Variants in SH3BGRL2 observed in about 807,000 individuals in gnomAD.
The protein encoded by SH3BGRL2 is SH3 domain binding glutamate rich protein like 2, also known as SH3 domain-binding glutamic acid-rich-like protein 2.
A neutral mutation model predicts 14.8 loss-of-function variants in SH3BGRL2; 21 were observed. That is an observed-to-expected ratio of 1.42 (90% CI 1.01 to 2.05). SH3BGRL2 has a LOEUF of 2.05. Ranked by LOEUF, SH3BGRL2 falls within the 30% of genes most tolerant of loss-of-function variation. SH3BGRL2 has a pLI of 0.00. For synonymous variants in SH3BGRL2, 50 were observed against 47.8 expected (o/e 1.05, Z -0.19); for missense variants, 147 against 130.8 (o/e 1.12, Z -0.61).
At chr6:79,692,872 A>C (rs1214081853) in intron 2 of SH3BGRL2, among the ~76,000 whole-genome samples, 3 of 152,162 alleles carry the variant, frequency 2.0e-5, no homozygotes, top group Non-Finnish European at 4.4e-5. Flanking sequence ...ACTTTAAAGT[A>C]GTTTTTTCCA....
the SH3BGRL2 span, among the ~76,000 whole-genome samples, chr6:79,543,380 T>G: frequency 1.3e-5 from 2 of 152,194 alleles, no homozygotes; most frequent in African/African-American, 4.8e-5. Context: ...GCTAACCTAT[T>G]GGACAACACA....
chr6:79,569,308 C>T, the SH3BGRL2 span, among the ~76,000 whole-genome samples: 671 of 152,214 alleles, frequency 4.4e-3, 9 homozygotes, highest in African/African-American at 0.015. Context: ...GGTTCTTATT[C>T]TTATCCAGGT....
intron 3 of SH3BGRL2, 65 bp downstream of exon 3, chr6:79,696,630 A>G (rs1243758858): frequency 1.6e-6 from 2 of 1,227,632 alleles, no homozygotes; most frequent in East Asian, 2.5e-5. Flanking sequence ...TTAGAGATGT[A>G]GAGTGACGGT....
At chr6:79,538,321 C>A in the SH3BGRL2 span, among the ~76,000 whole-genome samples, 2 of 152,094 alleles carry the variant, frequency 1.3e-5, no homozygotes, top group African/African-American at 2.4e-5. Context: ...AATGAATCTT[C>A]TAACCATGAA....
the SH3BGRL2 span, among the ~76,000 whole-genome samples, chr6:79,567,253 A>C: frequency 2.0e-5 from 3 of 152,218 alleles, no homozygotes; most frequent in Non-Finnish European, 4.4e-5. Context: ...CTTCAGAAAA[A>C]GTTTATTAAA....
intron 2 of SH3BGRL2, among the ~76,000 whole-genome samples, chr6:79,691,653 G>C (rs1331266547): frequency 6.6e-6 from 1 of 150,852 alleles, no homozygotes; most frequent in Non-Finnish European, 1.5e-5. Flanking sequence ...ATGGTTTCCA[G>C]TTTCATCCAT....
At chr6:79,540,815 A>T in the SH3BGRL2 span, among the ~76,000 whole-genome samples, 10 of 152,240 alleles carry the variant, frequency 6.6e-5, no homozygotes, top group Non-Finnish European at 1.2e-4. Flanking sequence ...TTAATAAGTG[A>T]TTCAAAAACA....
the SH3BGRL2 span, among the ~76,000 whole-genome samples, chr6:79,624,182 C>T: frequency 6.6e-6 from 1 of 151,768 alleles, no homozygotes; most frequent in Non-Finnish European, 1.5e-5. Context: ...CAATAATCAA[C>T]ATTGAATCTT....
the SH3BGRL2 span, among the ~76,000 whole-genome samples, chr6:79,582,786 G>C: frequency 0.11 from 16,231 of 152,164 alleles, 976 homozygotes; most frequent in Non-Finnish European, 0.13. Flanking sequence ...TAGACAAATG[G>C]GATCTAATTA....
chr6:79,620,457 C>T, the SH3BGRL2 span, among the ~76,000 whole-genome samples: 1 of 152,124 alleles, frequency 6.6e-6, no homozygotes, highest in South Asian at 2.1e-4. Context: ...TATGCTTTAG[C>T]ACATGCAGAA....
the SH3BGRL2 span, among the ~76,000 whole-genome samples, chr6:79,564,657 A>G: frequency 6.6e-6 from 1 of 152,096 alleles, no homozygotes; most frequent in Admixed American, 6.5e-5. Context: ...AATATATACT[A>G]TATTTTCATT....
At chr6:79,643,182 C>G (rs184035014) in intron 1 of SH3BGRL2, among the ~76,000 whole-genome samples, 1 of 152,298 alleles carries the variant, frequency 6.6e-6, no homozygotes, top group East Asian at 1.9e-4. Context: ...TGTTGAGACA[C>G]AGGGTAATTA....
chr6:79,642,738 A>G (rs1769057208), intron 1 of SH3BGRL2, among the ~76,000 whole-genome samples: 1 of 152,204 alleles, frequency 6.6e-6, no homozygotes, highest in South Asian at 2.1e-4. Context: ...TGAAACACCA[A>G]GTTGAATTGA....
chr6:79,544,614 T>G, the SH3BGRL2 span, among the ~76,000 whole-genome samples: 1 of 152,182 alleles, frequency 6.6e-6, no homozygotes, highest in Admixed American at 6.5e-5. Context: ...GTCTGGATCT[T>G]TATGTTCTAC....
chr6:79,667,963 A>G (rs1270550644), intron 1 of SH3BGRL2, among the ~76,000 whole-genome samples: 1 of 142,116 alleles, frequency 7.0e-6, no homozygotes, highest in Non-Finnish European at 1.5e-5. Flanking sequence ...CTTGTTTCCC[A>G]TTATTGTTCT....
chr6:79,594,386 A>C, the SH3BGRL2 span, among the ~76,000 whole-genome samples: 1 of 152,180 alleles, frequency 6.6e-6, no homozygotes, highest in Non-Finnish European at 1.5e-5. Context: ...TGCACGTATT[A>C]ATAATAATAA....
At chr6:79,563,421 CTA>C in the SH3BGRL2 span, among the ~76,000 whole-genome samples, 1 of 152,018 alleles carries the variant, frequency 6.6e-6, no homozygotes, top group Non-Finnish European at 1.5e-5. Context: ...CTAGCTTGGT[CTA>C]TATTAAGTCC....
the SH3BGRL2 span, among the ~76,000 whole-genome samples, chr6:79,548,834 A>T: frequency 1.3e-5 from 2 of 152,220 alleles, no homozygotes; most frequent in Non-Finnish European, 2.9e-5. Flanking sequence ...AATAGGAGGA[A>T]CAATGAAAAA....
chr6:79,671,396 C>T lies in SH3BGRL2; in HGVS notation c.46-2218C>T, dbSNP rs543338032. On this transcript the variant is annotated intron_variant, in intron 1 of 3. Transcript: ENST00000369838. ...CCCGGGAGGCGGAGGTTGAGGTGAG[C>T]CAAGATCACACCTTTGCATTCCAGC... Among the ~76,000 whole-genome samples the T allele has an allele frequency of 1.1e-4, 16 of 152,216 alleles. No individual in the cohort carries two copies. In the East Asian group the frequency reaches 3.1e-3, roughly 29 times the overall value.
Sources: allele counts gnomAD v4.1 joint callset (sites outside exome capture counted in the v4.1 genomes callset), GRCh38; gene constraint gnomAD v4.1.1; transcripts MANE v1.5; gene names NCBI Gene and HGNC (gene_info 2026-07-23, HGNC 2026-07-21).